The following SCRIB variants were observed in gnomAD, a reference collection of about 807,000 sequenced individuals.
SCRIB encodes scribble planar cell polarity protein.
SCRIB carries 72 observed loss-of-function variants against 170.0 expected under a neutral mutation model. The ratio of observed to expected loss-of-function variants is 0.42; its 90% CI spans 0.35 to 0.52. The LOEUF (loss-of-function observed/expected upper bound fraction) is 0.52, where lower values mean the gene tolerates loss of function less well. SCRIB is among the 20% of genes least tolerant of loss of function. The pLI is 0.02. For missense variants in SCRIB, 2,475 were observed against 2,338.5 expected (o/e 1.06, Z -1.20); for synonymous variants, 1,298 against 1,044.3 (o/e 1.24, Z -4.68).
chr8:143,812,467 C>T, intron 8 of SCRIB, 83 bp from the exon 9 acceptor site: 1 of 1,069,342 alleles, frequency 9.4e-7, no homozygotes, highest in Admixed American at 1.7e-5. Flanking sequence ...GCCCTCAAGG[C>T]AGACAGCAAG....
In SCRIB at chr8:143,791,860, G is replaced by A. The variant is rs1554632778; in HGVS notation, c.4695+16C>T. 2 of 1,537,934 alleles carry A rather than the reference G, an allele frequency of 1.3e-6. No individual in the cohort carries two copies. The highest frequency in any genetic ancestry group is 2.4e-5 in the South Asian group (2 of 82,802). On this transcript the variant is annotated intron_variant, in intron 34 of 36. Transcript: ENST00000356994. ...GCCTCGGGGGTGAAGGGAAGGCATA[G>A]CCACCGGCTCCTCACCAGGCGTCCC...
rs781961423 is a variant in SCRIB at position 143,795,080 on chromosome 8, G to A, written c.3804C>T (p.Tyr1268=). 2.8e-5 allele frequency: 45 copies of A among 1,611,314 alleles called. No individual in the cohort carries two copies. Among genetic ancestry groups the A allele is most frequent in the Non-Finnish European group, 3.6e-5 (42 of 1,179,376 alleles). The change falls in exon 27 of 37, where the codon TAC becomes TAT. Residue 1268 remains tyrosine (Y), a synonymous_variant. Transcript: ENST00000356994. ...CGCTGGGCACGGCGGCCAGGGCGCG[G>A]TAGTCCAGCTTCAGGGGCTGCAGAC... ...GRGLQPLKLD[Y]RALAAVPSAG... is the part of the protein sequence containing the mutation.
At chr8:143,812,745 GC>G (rs1563807521) in intron 8 of SCRIB, 71 bp downstream of exon 8, 2 of 1,538,560 alleles carry the variant, frequency 1.3e-6, no homozygotes, top group Non-Finnish European at 1.8e-6. Flanking sequence ...ACCACACACA[GC>G]CCCGACGCCC....
intron 1 of SCRIB, among the ~76,000 whole-genome samples, chr8:143,814,618 A>G (rs1246706639): frequency 1.3e-5 from 2 of 152,202 alleles, no homozygotes; most frequent in African/African-American, 4.8e-5. Flanking sequence ...CACGGCCAGA[A>G]CAGGGTCACA....
rs1302526648 is a variant in SCRIB at position 143,811,130 on chromosome 8, C to T, written c.1106+16G>A. 61 of 1,597,762 alleles carry T rather than the reference C, an allele frequency of 3.8e-5. No homozygotes were observed. Among genetic ancestry groups the T allele is most frequent in the Non-Finnish European group, 5.2e-5 (61 of 1,172,740 alleles). Reference sequence around the variant, plus strand: ...TGGGGCCACGGTTAGGCCCGCAGGGCAAGGCTGGCACTCACCGGTTCCCCG... The same window carrying T: ...TGGGGCCACGGTTAGGCCCGCAGGGTAAGGCTGGCACTCACCGGTTCCCCG... On this transcript the variant is annotated intron_variant, in intron 10 of 36. Coordinates refer to ENST00000356994, the MANE Select transcript of SCRIB (RefSeq NM_182706.5).
At chr8:143,813,924 T>C (rs557076707) in intron 2 of SCRIB, 28 bp from the exon 3 acceptor site, 7 of 1,602,294 alleles carry the variant, frequency 4.4e-6, no homozygotes, top group East Asian at 2.2e-5. Flanking sequence ...AGTGGACAGA[T>C]GCCATGGCCT....
intron 28 of SCRIB, 152 bp downstream of exon 28, chr8:143,793,748 A>G (rs1169099620): frequency 1.5e-6 from 1 of 683,510 alleles, no homozygotes. Flanking sequence ...CTCACACAGG[A>G]GGCCCCATGG....
Position 143,795,532 on chromosome 8 carries a change from TGAG to T in SCRIB, c.3604-5_3604-3del, listed in dbSNP as rs1554633936. On this transcript the variant is annotated splice_region_variant and splice_polypyrimidine_tract_variant and intron_variant, in intron 24 of 36. Transcript: ENST00000356994. Reference sequence around the variant, plus strand: ...GTTGGCAATGACACCTGGGGACACCTGAGAAGAGGGGTGTGGGCTAAGAAGGGG... The same window carrying T: ...GTTGGCAATGACACCTGGGGACACCTAAGAGGGGTGTGGGCTAAGAAGGGG... 1 of 1,609,132 alleles carries T rather than the reference TGAG, an allele frequency of 6.2e-7. No individual in the cohort carries two copies. The highest frequency in any genetic ancestry group is 1.7e-5 in the Admixed American group (1 of 59,548).
chr8:143,803,362 C>A (rs782471671), intron 24 of SCRIB, 21 bp downstream of exon 24: 4 of 1,537,274 alleles, frequency 2.6e-6, no homozygotes, highest in South Asian at 2.4e-5. Context: ...GAGGCCCGGT[C>A]CCCGGGGCGG....
Position 143,808,972 on chromosome 8 carries a change from G to C in SCRIB, c.1752C>G (p.Ile584Met), listed in dbSNP as rs950639842. 17 of 1,613,106 alleles carry C rather than the reference G, an allele frequency of 1.1e-5. No individual in the cohort carries two copies. Among genetic ancestry groups the C allele is most frequent in the African/African-American group, 6.7e-5 (5 of 74,930 alleles). The change falls in exon 15 of 37, where the codon ATC (isoleucine) becomes ATG (methionine). Residue 584 changes from isoleucine to methionine, a missense_variant. Physicochemically the swap from Ile to Met is conservative, Grantham distance 10 (BLOSUM62 1). Around this residue, in one of 3 missense-constraint regions of SCRIB, gnomAD observed 1,966 missense variants for 1,742.9 expected, o/e 1.13. Coordinates refer to ENST00000356994, the MANE Select transcript of SCRIB (RefSeq NM_182706.5). Reference sequence around the variant, plus strand: ...AGGGGGCCTCAGGCTGCCCCTCCTCGATCTCCCTGTCATCCCCGGGCAGCA... The same window carrying C: ...AGGGGGCCTCAGGCTGCCCCTCCTCCATCTCCCTGTCATCCCCGGGCAGCA... ...DALLPGDDRE[I>M]EEGQPEAPWT...
intron 13 of SCRIB, among the ~76,000 whole-genome samples, chr8:143,810,020 C>T (rs1815633406): frequency 6.6e-6 from 1 of 152,172 alleles, no homozygotes; most frequent in Admixed American, 6.5e-5. Context: ...ACCTCCTCCC[C>T]TCCCATGCAC....
rs776044128 is a variant in SCRIB at position 143,810,621 on chromosome 8, G to A, written c.1405-17C>T. Reference sequence around the variant, plus strand: ...CTGTAGGCCCTGTTGTAGGGACAAGGATGAGCAGCAGCCACAGGGCAGGGG... The same window carrying A: ...CTGTAGGCCCTGTTGTAGGGACAAGAATGAGCAGCAGCCACAGGGCAGGGG... On this transcript the variant is annotated splice_polypyrimidine_tract_variant and intron_variant, in intron 12 of 36. Coordinates refer to ENST00000356994, the MANE Select transcript of SCRIB (RefSeq NM_182706.5). 28 of 1,609,558 alleles carry A rather than the reference G, an allele frequency of 1.7e-5. No individual in the cohort carries two copies. Among genetic ancestry groups the A allele is most frequent in the African/African-American group, 2.7e-5 (2 of 74,828 alleles).
rs1815843093 is a variant in SCRIB at position 143,813,330 on chromosome 8, C to T, written c.548G>A (p.Gly183Asp). 1.2e-6 allele frequency: 2 copies of T among 1,613,480 alleles called. No homozygotes were observed. The highest frequency in any genetic ancestry group is 1.1e-5 in the South Asian group (1 of 91,094). The change falls in exon 6 of 37, where the codon GGC becomes GAC. Residue 183 changes from glycine (G) to aspartate (D), a missense_variant. Coordinates refer to ENST00000356994, the MANE Select transcript of SCRIB (RefSeq NM_182706.5). Reference sequence around the variant, plus strand: ...ACGCACCAGCACTTCCAGATCGTTGCCTCCCAGATCCAGCTGTTCCAGCTT... The same window carrying T: ...ACGCACCAGCACTTCCAGATCGTTGTCTCCCAGATCCAGCTGTTCCAGCTT... ...LVKLEQLDLG[G>D]NDLEVLPDTL...
At chr8:143,802,739 C>T (rs782659656) in intron 24 of SCRIB, among the ~76,000 whole-genome samples, 1 of 152,242 alleles carries the variant, frequency 6.6e-6, no homozygotes, top group Non-Finnish European at 1.5e-5. Context: ...CTGAGACAGG[C>T]CAGGCTTGTC....
chr8:143,804,926 CCACT>C lies in SCRIB; in HGVS notation c.2751+4_2751+7del. On this transcript the variant is annotated splice_donor_5th_base_variant and intron_variant, in intron 20 of 36. Coordinates refer to ENST00000356994, the MANE Select transcript of SCRIB (RefSeq NM_182706.5). ...GGGTGGGTGGGGCGGGGCCCCATCC[CCACT>C]CACAGAGAGGACGCGGTCGCCAACC... 1 of 1,546,392 alleles carries C rather than the reference CCACT, an allele frequency of 6.5e-7. No homozygotes were observed. Among genetic ancestry groups the C allele is most frequent in the Non-Finnish European group, 8.7e-7 (1 of 1,152,156 alleles).
Position 143,809,724 on chromosome 8 carries a change from G to A in SCRIB, c.1531-6C>T, listed in dbSNP as rs1337985023. 1 of 1,606,620 alleles carries A rather than the reference G, an allele frequency of 6.2e-7. No individual in the cohort carries two copies. Among genetic ancestry groups the A allele is most frequent in the South Asian group, 1.1e-5 (1 of 91,052 alleles). Reference sequence around the variant, plus strand: ...TCGGCACTCAGCCGCTTCTCCTGCGGCGGGAAGTGGGGTCAGGCTTCGACG... The same window carrying A: ...TCGGCACTCAGCCGCTTCTCCTGCGACGGGAAGTGGGGTCAGGCTTCGACG... On this transcript the variant is annotated splice_polypyrimidine_tract_variant and splice_region_variant and intron_variant, in intron 13 of 36. Transcript: ENST00000356994.
chr8:143,795,325 C>T lies in SCRIB; in HGVS notation c.3723G>A (p.Glu1241=). 1 of 1,612,844 alleles carries T rather than the reference C, an allele frequency of 6.2e-7. No homozygotes were observed. The highest frequency in any genetic ancestry group is 8.5e-7 in the Non-Finnish European group (1 of 1,179,888). ...LSPEGPGKEK[E]LPGQTLHWGP... is the part of the protein sequence containing the mutation. ...CCCAGTGCAGGGTCTGTCCAGGCAGCTCCTTCTCCTGTGAGCAGAGCAGAG... is the reference window on the plus strand; with the variant it reads ...CCCAGTGCAGGGTCTGTCCAGGCAGTTCCTTCTCCTGTGAGCAGAGCAGAG... The change falls in exon 26 of 37, where the codon GAG becomes GAA. Residue 1241 remains glutamate, a synonymous_variant. Coordinates refer to ENST00000356994, the MANE Select transcript of SCRIB (RefSeq NM_182706.5).
At chr8:143,804,468 A>G in intron 21 of SCRIB, 100 bp downstream of exon 21, 2 of 1,302,464 alleles carry the variant, frequency 1.5e-6, no homozygotes, top group East Asian at 2.6e-5. Context: ...CCGGCTTCCC[A>G]CCTGGAGTGG....
rs1815553287 is a variant in SCRIB at position 143,808,689 on chromosome 8, C to T, written c.2035G>A (p.Glu679Lys). The T allele has an allele frequency of 1.3e-6, 2 of 1,537,998 alleles. No individual in the cohort carries two copies. Among genetic ancestry groups the T allele is most frequent in the African/African-American group, 1.4e-5 (1 of 71,864 alleles). Residue 679 changes from glutamate to lysine, a missense_variant, in exon 15 of 37, where the codon GAA becomes AAA. This residue lies in a region of SCRIB where 1,966 missense variants were observed against 1,742.9 expected (regional missense o/e 1.13). Transcript: ENST00000356994. ...PQEEEEEEEEENRAEEEEAST... is the reference protein window; with the variant it reads ...PQEEEEEEEEKNRAEEEEAST... ...GCCTCTTCCTCTTCAGCCCTGTTTT[C>T]CTCCTCCTCCTCTTCCTCCTCCTCC...
Sources: allele counts gnomAD v4.1 joint callset (sites outside exome capture counted in the v4.1 genomes callset), GRCh38; gene constraint gnomAD v4.1.1; regional missense constraint gnomAD v4.1.1; transcripts MANE v1.5; gene names NCBI Gene and HGNC (gene_info 2026-07-23, HGNC 2026-07-21).